Variants in IFT56 observed in about 807,000 individuals in gnomAD.
IFT56 encodes intraflagellar transport protein 56.
At chr7:139,144,765 T>A in the IFT56 span, among the ~76,000 whole-genome samples, 1 of 152,110 alleles carries the variant, frequency 6.6e-6, no homozygotes, top group African/African-American at 2.4e-5. Flanking sequence ...GTTATTGTAT[T>A]TATTTTTAGA....
At chr7:139,138,978 T>A in the IFT56 span, among the ~76,000 whole-genome samples, 1 of 152,014 alleles carries the variant, frequency 6.6e-6, no homozygotes, top group Non-Finnish European at 1.5e-5. Context: ...GCCCGGCTAA[T>A]TTTTTTGTGT....
At chr7:139,154,655 G>T in the IFT56 span, among the ~76,000 whole-genome samples, 1 of 152,096 alleles carries the variant, frequency 6.6e-6, no homozygotes, top group African/African-American at 2.4e-5. Flanking sequence ...ATAGACAAAT[G>T]GATTCATTTC....
the IFT56 span, among the ~76,000 whole-genome samples, chr7:139,135,915 C>CTTTTTTTTTTTTTTTTTTT: frequency 6.7e-6 from 1 of 149,564 alleles, no homozygotes; most frequent in Non-Finnish European, 1.5e-5. Flanking sequence ...AGTTCACTTT[C>CTTTTTTTTTTTTTTTTTTT]TTTTTTTTTT....
At chr7:139,172,856 T>C in the IFT56 span, 2 of 681,646 alleles carry the variant, frequency 2.9e-6, no homozygotes, top group Admixed American at 3.6e-5. Context: ...CTTCCTTCCT[T>C]GCTAGGAGTC....
the IFT56 span, chr7:139,168,249 C>G: frequency 2.8e-6 from 2 of 727,132 alleles, no homozygotes; most frequent in South Asian, 6.3e-5. Context: ...ATCTTTGATA[C>G]TTTATATAAA....
the IFT56 span, among the ~76,000 whole-genome samples, chr7:139,144,274 T>TA: frequency 6.6e-6 from 1 of 152,006 alleles, no homozygotes; most frequent in Non-Finnish European, 1.5e-5. Flanking sequence ...TCTAGGTAGG[T>TA]AATTATTTTT....
chr7:139,145,956 G>A, the IFT56 span, among the ~76,000 whole-genome samples: 1 of 152,110 alleles, frequency 6.6e-6, no homozygotes, highest in Admixed American at 6.5e-5. Flanking sequence ...CTGCCACTTA[G>A]AGCTAACACT....
At chr7:139,173,421 G>T in the IFT56 span, 2 of 532,814 alleles carry the variant, frequency 3.8e-6, no homozygotes, top group African/African-American at 1.9e-5. Flanking sequence ...TAGAGACGAG[G>T]TTTCGCCATG....
At chr7:139,147,207 A>G in the IFT56 span, 18 of 1,613,550 alleles carry the variant, frequency 1.1e-5, no homozygotes, top group African/African-American at 2.0e-4. Flanking sequence ...CAGAAGATCA[A>G]CTCAGTTTGG....
At chr7:139,160,831 G>T in the IFT56 span, 1 of 671,470 alleles carries the variant, frequency 1.5e-6, no homozygotes. Context: ...CTAGAGTCAT[G>T]AGGATCAAAT....
At chr7:139,180,193 C>T in the IFT56 span, among the ~76,000 whole-genome samples, 8 of 151,990 alleles carry the variant, frequency 5.3e-5, no homozygotes, top group African/African-American at 1.7e-4. Flanking sequence ...AAAAATTAGC[C>T]GGGCGCGGTG....
chr7:139,161,174 A>G, the IFT56 span: 2 of 579,072 alleles, frequency 3.5e-6, no homozygotes, highest in African/African-American at 1.9e-5. Context: ...TAAGTTTTAA[A>G]GTACTAATCT....
At chr7:139,134,592 C>G in the IFT56 span, 4 of 1,509,122 alleles carry the variant, frequency 2.7e-6, no homozygotes, top group Non-Finnish European at 2.7e-6. Context: ...ACAGAGCTGT[C>G]ACTCTCAGTT....
the IFT56 span, among the ~76,000 whole-genome samples, chr7:139,146,004 A>G: frequency 3.2e-4 from 48 of 152,288 alleles, no homozygotes; most frequent in African/African-American, 1.2e-3. Flanking sequence ...TCTTTAAAAA[A>G]TTTGTATTTT....
At chr7:139,142,199 A>G in the IFT56 span, 15 of 1,579,632 alleles carry the variant, frequency 9.5e-6, no homozygotes, top group Middle Eastern at 1.7e-4. Context: ...TTTCATTCCT[A>G]CAAGGGACTG....
chr7:139,136,510 C>T, the IFT56 span, among the ~76,000 whole-genome samples: 1 of 152,208 alleles, frequency 6.6e-6, no homozygotes, highest in East Asian at 1.9e-4. Flanking sequence ...AATGCAGTGG[C>T]GTGATGGTGG....
At chr7:139,178,331 A>G in the IFT56 span, 6 of 1,564,300 alleles carry the variant, frequency 3.8e-6, no homozygotes, top group East Asian at 2.2e-5. Flanking sequence ...ATAAGACTTT[A>G]TATACAAAAT....
chr7:139,181,099 GA>G, the IFT56 span: 1 of 1,601,484 alleles, frequency 6.2e-7, no homozygotes, highest in Non-Finnish European at 8.5e-7. Flanking sequence ...CAGATATTAT[GA>G]ATAAGAAACC....
At chr7:139,159,882 A>G in the IFT56 span, among the ~76,000 whole-genome samples, 4 of 152,210 alleles carry the variant, frequency 2.6e-5, no homozygotes, top group Non-Finnish European at 5.9e-5. Context: ...TAATTCCAAC[A>G]TATTTTAAGG....
Sources: gnomAD v4.1 joint callset for allele counts (sites outside exome capture counted in the v4.1 genomes callset) on GRCh38, gnomAD v4.1.1 for gene constraint, MANE v1.5 for transcripts, NCBI Gene and HGNC (gene_info 2026-07-23, HGNC 2026-07-21) for gene names.